The following ADD3 variants were observed in gnomAD, a reference collection of about 807,000 sequenced individuals.
ADD3 encodes gamma-adducin.
In ADD3, 25 loss-of-function variants were observed where a neutral mutation model predicts 80.2. That is an observed-to-expected ratio of 0.31 (90% CI 0.23 to 0.44). The LOEUF (loss-of-function observed/expected upper bound fraction) is 0.44. ADD3 is among the 20% of genes least tolerant of loss of function. ADD3 has a pLI of 1.00. For missense variants in ADD3, 829 were observed against 847.5 expected, an observed-to-expected ratio of 0.98 and a Z score of 0.27; for synonymous variants, 284 against 289.6, an observed-to-expected ratio of 0.98 and a Z score of 0.20.
chr10:110,065,835 C>T (rs779637370), intron 1 of ADD3, among the ~76,000 whole-genome samples: 7 of 151,310 alleles, frequency 4.6e-5, no homozygotes, highest in Non-Finnish European at 7.4e-5. Context: ...CCACGGCGCC[C>T]GACCTCTTTT....
chr10:110,061,929 G>T (rs1458818906), intron 1 of ADD3, among the ~76,000 whole-genome samples: 3 of 152,016 alleles, frequency 2.0e-5, no homozygotes, highest in Admixed American at 1.3e-4. Flanking sequence ...TTACTGTCAA[G>T]AATGCAAATT....
intron 1 of ADD3, among the ~76,000 whole-genome samples, chr10:110,028,975 G>A (rs987416414): frequency 1.3e-5 from 2 of 151,898 alleles, no homozygotes; most frequent in African/African-American, 4.8e-5. Flanking sequence ...CGCCTCCCGG[G>A]TTCAAGCAGT....
In ADD3 at chr10:110,133,908, G is replaced by A. The variant is rs942816984; in HGVS notation, c.*290G>A. ...CAGCTATCTGTCTGAATTACTTCAG[G>A]CCTTCTCCATAATATCTGTTAGAAA... On this transcript the variant is annotated 3_prime_UTR_variant, in exon 15 of 15. Transcript: ENST00000356080. 8.6e-5 allele frequency: 18 copies of A among 209,646 alleles called. No individual in the cohort carries two copies. The highest frequency in any genetic ancestry group is 1.2e-4 in the Admixed American group (2 of 17,218). The allele number at this position is 209,646 out of a possible 1,614,324, so 13.0% of individuals were successfully genotyped here. A position where few individuals can be genotyped will look rare whatever the true frequency, so the allele number is the denominator to read the frequency against.
chr10:110,129,243 G>A (rs1394071815), intron 12 of ADD3, among the ~76,000 whole-genome samples: 1 of 150,498 alleles, frequency 6.6e-6, no homozygotes, highest in Non-Finnish European at 1.5e-5. Context: ...TCCGCCTCCC[G>A]GGTTCAAGCC....
At chr10:110,003,300 A>AGGGG (rs1554893816), upstream of ADD3, among the ~76,000 whole-genome samples, 1 of 142,126 alleles carries the variant, frequency 7.0e-6, no homozygotes, top group African/African-American at 2.8e-5. Context: ...GGGAACAGTA[A>AGGGG]GGGTGTGTGT....
intron 2 of ADD3, among the ~76,000 whole-genome samples, chr10:110,109,711 T>C (rs1849780729): frequency 6.6e-6 from 1 of 152,222 alleles, no homozygotes; most frequent in African/African-American, 2.4e-5. Flanking sequence ...CCCATTGCCA[T>C]GTGTCCAGAA....
chr10:110,028,833 CAA>C (rs1013904512), intron 1 of ADD3, among the ~76,000 whole-genome samples: 1 of 151,288 alleles, frequency 6.6e-6, no homozygotes, highest in Non-Finnish European at 1.5e-5. Flanking sequence ...AGAAAAATCA[CAA>C]TTAACTCTCG....
intron 14 of ADD3, 146 bp downstream of exon 14, chr10:110,132,546 T>G (rs947544776): frequency 8.5e-6 from 5 of 585,046 alleles, no homozygotes; most frequent in Admixed American, 6.6e-5. Context: ...TTACATATTT[T>G]ATATCATTAA....
intron 1 of ADD3, among the ~76,000 whole-genome samples, chr10:110,037,961 T>C (rs899440418): frequency 8.1e-5 from 12 of 147,582 alleles, no homozygotes; most frequent in Non-Finnish European, 1.0e-4. Context: ...CCCAGCTACT[T>C]GGGAGGCTGA....
Position 110,100,800 on chromosome 10 carries a change from C to T in ADD3, c.147C>T (p.Phe49=), listed in dbSNP as rs1488644000. The T allele has an allele frequency of 8.1e-6, 13 of 1,612,694 alleles. No homozygotes were observed. Among genetic ancestry groups the T allele is most frequent in the Admixed American group, 3.3e-5 (2 of 59,798 alleles). The change falls in exon 2 of 15, where the codon TTC becomes TTT. Residue 49 remains phenylalanine, a synonymous_variant. Transcript: ENST00000356080. ...TGTCTCCTGATCTACGACAAGACTT[C>T]AACATGATGGAGCAGAGGAAACGAG... ...RNMSPDLRQD[F]NMMEQRKRVT... is the part of the protein sequence containing the mutation.
chr10:110,048,226 C>T (rs770640281), intron 1 of ADD3, among the ~76,000 whole-genome samples: 2 of 152,200 alleles, frequency 1.3e-5, no homozygotes, highest in Non-Finnish European at 2.9e-5. Flanking sequence ...TGTGAGGCCT[C>T]CCCTCCCCAG....
intron 1 of ADD3, among the ~76,000 whole-genome samples, chr10:110,072,237 T>C (rs1844812097): frequency 6.6e-6 from 1 of 152,132 alleles, no homozygotes; most frequent in African/African-American, 2.4e-5. Context: ...AATTTTTTTG[T>C]ATTTTTTTTA....
chr10:110,071,363 A>G (rs1380348836), intron 1 of ADD3, among the ~76,000 whole-genome samples: 1 of 152,330 alleles, frequency 6.6e-6, no homozygotes, highest in East Asian at 1.9e-4. Flanking sequence ...ATCAACAGTA[A>G]TGTATACTTA....
chr10:110,054,775 G>A (rs188683225), intron 1 of ADD3, among the ~76,000 whole-genome samples: 11 of 152,010 alleles, frequency 7.2e-5, no homozygotes, highest in Admixed American at 2.0e-4. Context: ...CACCATGCCC[G>A]GCTAATTTTT....
rs1483344691 is a variant in ADD3, at chr10:110,130,446, G to C, written c.1692G>C (p.Glu564Asp). The C allele has an allele frequency of 1.3e-5, 21 of 1,614,042 alleles. No homozygotes were observed. The highest frequency in any genetic ancestry group is 1.8e-5 in the Non-Finnish European group (21 of 1,179,922). The change falls in exon 13 of 15, where the codon GAG becomes GAC. Residue 564 changes from glutamate (E) to aspartate (D), a missense_variant. Coordinates refer to ENST00000356080, the MANE Select transcript of ADD3 (RefSeq NM_016824.5). ...FSHLTEGELEEYKRTIERKQQ... is the reference protein window; with the variant it reads ...FSHLTEGELEDYKRTIERKQQ... ...ATCTCACAGAAGGAGAACTTGAAGA[G>C]TATAAGAGGACAATCGAACGTAAAC...
At chr10:110,066,060 A>C (rs1843915024) in intron 1 of ADD3, among the ~76,000 whole-genome samples, 1 of 152,016 alleles carries the variant, frequency 6.6e-6, no homozygotes, top group Non-Finnish European at 1.5e-5. Flanking sequence ...TGAACACTTA[A>C]TTTAAGGGTC....
chr10:110,083,266 G>A (rs1846290281), intron 1 of ADD3, among the ~76,000 whole-genome samples: 1 of 152,160 alleles, frequency 6.6e-6, no homozygotes. Context: ...ATATTGGATG[G>A]ACGGATGGAG....
intron 1 of ADD3, among the ~76,000 whole-genome samples, chr10:110,066,690 G>A (rs1380801450): frequency 6.6e-6 from 1 of 151,914 alleles, no homozygotes; most frequent in Non-Finnish European, 1.5e-5. Flanking sequence ...TACAGGCTTC[G>A]ATAAGCATAG....
At chr10:110,048,897 C>G (rs1002430403) in intron 1 of ADD3, among the ~76,000 whole-genome samples, 1 of 152,182 alleles carries the variant, frequency 6.6e-6, no homozygotes, top group South Asian at 2.1e-4. Context: ...TGTTAATCGC[C>G]AAAACAATGG....
Sources: allele counts gnomAD v4.1 joint callset (sites outside exome capture counted in the v4.1 genomes callset), GRCh38; gene constraint gnomAD v4.1.1; transcripts MANE v1.5; gene names NCBI Gene and HGNC (gene_info 2026-07-23, HGNC 2026-07-21).